The following KCNQ3 variants were observed in gnomAD, a reference collection of about 807,000 sequenced individuals.
KCNQ3 encodes the protein potassium voltage-gated channel subfamily KQT member 3.
KCNQ3 carries 30 observed loss-of-function variants against 92.5 expected under a neutral mutation model. The ratio of observed to expected loss-of-function variants is 0.32; its 90% CI spans 0.24 to 0.44. The LOEUF (loss-of-function observed/expected upper bound fraction) is 0.44. Ranked by LOEUF, KCNQ3 falls within the 20% of genes least tolerant of loss-of-function variation. The pLI is 1.00. For missense variants in KCNQ3, 913 were observed against 1,140.3 expected (o/e 0.80, Z 2.87); for synonymous variants, 450 against 468.8 (o/e 0.96, Z 0.52).
At chr8:132,466,796 T>C (rs72723109) in intron 1 of KCNQ3, among the ~76,000 whole-genome samples, 9,680 of 152,232 alleles carry the variant, frequency 0.064, 349 homozygotes, top group Middle Eastern at 0.088. Context: ...AGCAAGCCCA[T>C]ATAAACACAC....
At chr8:132,164,533 G>A (rs1274356467) in intron 8 of KCNQ3, among the ~76,000 whole-genome samples, 1 of 152,110 alleles carries the variant, frequency 6.6e-6, no homozygotes, top group East Asian at 1.9e-4. Context: ...TCAGCATTTA[G>A]TTACAGTGTG....
chr8:132,479,918 A>G (rs1426996495), intron 1 of KCNQ3, among the ~76,000 whole-genome samples: 1 of 145,012 alleles, frequency 6.9e-6, no homozygotes, highest in African/African-American at 2.6e-5. Flanking sequence ...TCGTTTTTTA[A>G]GCCCCTAGTG....
chr8:132,449,884 T>C (rs1249728692), intron 1 of KCNQ3, among the ~76,000 whole-genome samples: 3 of 152,050 alleles, frequency 2.0e-5, no homozygotes. Context: ...GATGGGCCCA[T>C]AGCAAGCCCA....
intron 1 of KCNQ3, among the ~76,000 whole-genome samples, chr8:132,346,909 C>G (rs1818704510): frequency 6.6e-6 from 1 of 152,162 alleles, no homozygotes; most frequent in Non-Finnish European, 1.5e-5. Flanking sequence ...TCTGGAGACA[C>G]TAGGGAGGGA....
chr8:132,464,373 G>C lies in KCNQ3; in HGVS notation c.386+15774C>G, dbSNP rs1822125386. ...TATCAGTGAAGCCACACACTCCTTGGAGGCTGGCATTGTGTCCATTCATGC... is the reference window on the plus strand; with the variant it reads ...TATCAGTGAAGCCACACACTCCTTGCAGGCTGGCATTGTGTCCATTCATGC... On this transcript the variant is annotated intron_variant, in intron 1 of 14. Coordinates refer to ENST00000388996, the MANE Select transcript of KCNQ3 (RefSeq NM_004519.4). 2.0e-5 allele frequency among the ~76,000 whole-genome samples: 3 copies of C among 152,204 alleles called. No individual in the cohort carries two copies. In the South Asian group the frequency reaches 6.2e-4, roughly 32 times the overall value.
intron 1 of KCNQ3, among the ~76,000 whole-genome samples, chr8:132,235,973 G>C (rs1446338915): frequency 6.6e-6 from 1 of 152,162 alleles, no homozygotes; most frequent in East Asian, 1.9e-4. Flanking sequence ...CTCCATGCTG[G>C]GCTTCTTCAC....
At position 132,333,017 on chromosome 8, in the gene KCNQ3, TTGGATGGATGGATGGA is replaced by T. The variant is rs3049635; in HGVS notation, c.387-146852_387-146837del. Among the ~76,000 whole-genome samples, 304 of 149,936 alleles carry T rather than the reference TTGGATGGATGGATGGA, an allele frequency of 2.0e-3. 3 individuals carry two copies. Among genetic ancestry groups the T allele is most frequent in the African/African-American group, 7.2e-3 (291 of 40,528 alleles). Reference sequence around the variant, plus strand: ...CAGAGTGAGAGGATGGATGAATGGATTGGATGGATGGATGGATGGATGGATGGATGGATGGATGGAT... The same window carrying T: ...CAGAGTGAGAGGATGGATGAATGGATTGGATGGATGGATGGATGGATGGAT... On this transcript the variant is annotated intron_variant, in intron 1 of 14. Coordinates refer to ENST00000388996, the MANE Select transcript of KCNQ3 (RefSeq NM_004519.4).
chr8:132,246,264 T>C (rs1815174279), intron 1 of KCNQ3, among the ~76,000 whole-genome samples: 1 of 152,152 alleles, frequency 6.6e-6, no homozygotes, highest in Non-Finnish European at 1.5e-5. Flanking sequence ...AATAAATAAT[T>C]GCTTCGAAAT....
intron 1 of KCNQ3, among the ~76,000 whole-genome samples, chr8:132,447,685 A>C (rs1320461715): frequency 6.6e-6 from 1 of 152,234 alleles, no homozygotes; most frequent in Non-Finnish European, 1.5e-5. Flanking sequence ...CATGATTTAG[A>C]GATGCAGGAG....
chr8:132,351,155 C>T (rs559067562), intron 1 of KCNQ3, among the ~76,000 whole-genome samples: 3 of 152,268 alleles, frequency 2.0e-5, no homozygotes, highest in South Asian at 4.1e-4. Flanking sequence ...GTTACAGTAA[C>T]ACAAATGATC....
intron 9 of KCNQ3, among the ~76,000 whole-genome samples, chr8:132,162,333 C>A (rs530595051): frequency 6.6e-6 from 1 of 152,242 alleles, no homozygotes; most frequent in East Asian, 1.9e-4. Flanking sequence ...GATTTATAAA[C>A]CTGTTGGTCA....
chr8:132,195,934 C>T (rs369442826), intron 1 of KCNQ3, among the ~76,000 whole-genome samples: 1 of 152,148 alleles, frequency 6.6e-6, no homozygotes, highest in Non-Finnish European at 1.5e-5. Context: ...AGTACATTAT[C>T]TATTGATGAA....
In KCNQ3 at chr8:132,140,129, G is replaced by C; in HGVS notation, c.1515C>G (p.Asp505Glu). The change falls in exon 11 of 15, where the codon GAC becomes GAG. Residue 505 changes from aspartate (D) to glutamate (E), a missense_variant. Asp to Glu is a conservative substitution (Grantham distance 45). Transcript: ENST00000388996. ...TGGGGATCATGTCTTCGATGGGGAAGTCATTCCCATAGCCCCTGTCTTCCG... is the reference window on the plus strand; with the variant it reads ...TGGGGATCATGTCTTCGATGGGGAACTCATTCCCATAGCCCCTGTCTTCCG... ...PMAEDRGYGNDFPIEDMIPTL... is the reference protein window; with the variant it reads ...PMAEDRGYGNEFPIEDMIPTL... 6.2e-7 allele frequency: 1 copy of C among 1,612,856 alleles called. No homozygotes were observed. The highest frequency in any genetic ancestry group is 8.5e-7 in the Non-Finnish European group (1 of 1,179,628).
chr8:132,454,797 C>T (rs529085092), intron 1 of KCNQ3, among the ~76,000 whole-genome samples: 3 of 152,162 alleles, frequency 2.0e-5, no homozygotes, highest in Admixed American at 6.5e-5. Context: ...ACCCAAGTGT[C>T]CCTTCATGAA....
rs777348742 is a variant in KCNQ3, at chr8:132,175,528, G to C, written c.858C>G (p.Val286=). The change falls in exon 5 of 15, where the codon GTC becomes GTG. Residue 286 remains valine, a synonymous_variant. Coordinates refer to ENST00000388996, the MANE Select transcript of KCNQ3 (RefSeq NM_004519.4). ...SFLVYLVEKD[V]PEVDAQGEEM... is the part of the protein sequence containing the mutation. Reference sequence around the variant, plus strand: ...CCTCTCCTTGTGCATCCACCTCTGGGACGTCTTTCTCAACCAGGTAGACAA... The same window carrying C: ...CCTCTCCTTGTGCATCCACCTCTGGCACGTCTTTCTCAACCAGGTAGACAA... 6.2e-7 allele frequency: 1 copy of C among 1,614,046 alleles called. No homozygotes were observed.
At chr8:132,364,102 C>T (rs1819247995) in intron 1 of KCNQ3, among the ~76,000 whole-genome samples, 1 of 152,136 alleles carries the variant, frequency 6.6e-6, no homozygotes, top group African/African-American at 2.4e-5. Flanking sequence ...CTCAATCCAT[C>T]TTCCTTGACA....
At chr8:132,308,566 CA>C (rs1817501106) in intron 1 of KCNQ3, among the ~76,000 whole-genome samples, 2 of 152,152 alleles carry the variant, frequency 1.3e-5, no homozygotes, top group Non-Finnish European at 2.9e-5. Flanking sequence ...ATGAGGGGCA[CA>C]CGTAAGGGAA....
chr8:132,266,300 C>A (rs887388452), intron 1 of KCNQ3, among the ~76,000 whole-genome samples: 12 of 152,154 alleles, frequency 7.9e-5, no homozygotes, highest in African/African-American at 2.9e-4. Context: ...GTCTCTCGGC[C>A]ACCTCAGGGG....
intron 1 of KCNQ3, among the ~76,000 whole-genome samples, chr8:132,442,000 C>T (rs1821550674): frequency 6.6e-6 from 1 of 152,104 alleles, no homozygotes; most frequent in Non-Finnish European, 1.5e-5. Flanking sequence ...TGCATGTTCT[C>T]ACTTATAAGT....
Sources: allele counts gnomAD v4.1 joint callset (sites outside exome capture counted in the v4.1 genomes callset), GRCh38; gene constraint gnomAD v4.1.1; transcripts MANE v1.5; gene names NCBI Gene and HGNC (gene_info 2026-07-23, HGNC 2026-07-21).